The following PAK2 variants were observed in gnomAD, a reference collection of about 807,000 sequenced individuals.
PAK2 encodes the protein serine/threonine-protein kinase PAK 2.
A neutral mutation model predicts 65.9 loss-of-function variants in PAK2; 21 were observed. The observed-to-expected ratio is 0.32, with a 90% confidence interval of 0.23 to 0.46. The LOEUF is 0.46. Among genes scored for constraint, PAK2 ranks in the 20% least tolerant of loss-of-function variants. The pLI, the probability that PAK2 is intolerant of heterozygous loss-of-function variation, is 1.00. For missense variants in PAK2, 324 were observed against 642.6 expected, an observed-to-expected ratio of 0.50 and a Z score of 5.36; for synonymous variants, 204 against 219.7, an observed-to-expected ratio of 0.93 and a Z score of 0.63.
Position 196,751,690 on chromosome 3 carries a change from T to A in PAK2, c.-22+11533T>A, listed in dbSNP as rs1462500424. ...ATTTATATACATATATATATATATA[T>A]ATATAATTCAGGCTATATATAAAAG... On this transcript the variant is annotated intron_variant, in intron 1 of 14. Transcript: ENST00000327134. Among the ~76,000 whole-genome samples the A allele has an allele frequency of 1.2e-3, 57 of 49,022 alleles. 11 individuals carry two copies. Among genetic ancestry groups the A allele is most frequent in the East Asian group, 4.5e-3 (17 of 3,812 alleles). 32.2% of individuals were successfully genotyped at this position (49,022 alleles called of 152,430 possible).
chr3:196,762,827 C>T (rs1560094486), intron 1 of PAK2, among the ~76,000 whole-genome samples: 1 of 151,730 alleles, frequency 6.6e-6, no homozygotes, highest in African/African-American at 2.4e-5. Flanking sequence ...AGTTAGAAGC[C>T]AGGTGACTGA....
intron 1 of PAK2, among the ~76,000 whole-genome samples, chr3:196,769,395 A>G (rs1051065140): frequency 3.9e-5 from 6 of 152,016 alleles, no homozygotes; most frequent in Non-Finnish European, 8.8e-5. Flanking sequence ...TGAAATATAC[A>G]TAACATAAAA....
At chr3:196,743,864 A>G (rs527818670) in intron 1 of PAK2, among the ~76,000 whole-genome samples, 3 of 152,296 alleles carry the variant, frequency 2.0e-5, no homozygotes, top group African/African-American at 7.2e-5. Context: ...CCTGGGTGAC[A>G]GAGTGAGACT....
At chr3:196,809,160 A>T (rs1715691042) in intron 7 of PAK2, among the ~76,000 whole-genome samples, 1 of 150,400 alleles carries the variant, frequency 6.6e-6, no homozygotes, top group Non-Finnish European at 1.5e-5. Flanking sequence ...AGGCAGGAGG[A>T]TTGCTTGAGC....
intron 8 of PAK2, among the ~76,000 whole-genome samples, chr3:196,811,241 TCCCTC>T (rs1715790119): frequency 4.8e-5 from 1 of 20,950 alleles, no homozygotes; most frequent in South Asian, 1.7e-3. Flanking sequence ...TTCCCTTCCT[TCCCTC>T]CCTCCCCTCC....
intron 2 of PAK2, among the ~76,000 whole-genome samples, chr3:196,787,124 C>T (rs1371765046): frequency 6.6e-6 from 1 of 152,016 alleles, no homozygotes; most frequent in African/African-American, 2.4e-5. Flanking sequence ...ACACCTGGCT[C>T]TTATATTGAT....
chr3:196,827,061 T>G (rs907473509), intron 13 of PAK2, 135 bp from the exon 14 acceptor site: 1 of 476,006 alleles, frequency 2.1e-6, no homozygotes, highest in African/African-American at 2.0e-5. Context: ...TAAATTTAAA[T>G]GGGATAATGA....
chr3:196,783,683 G>T (rs1714787383), intron 2 of PAK2, among the ~76,000 whole-genome samples: 2 of 151,684 alleles, frequency 1.3e-5, no homozygotes, highest in African/African-American at 2.4e-5. Flanking sequence ...GTCCCCATCT[G>T]CTATACCCCA....
chr3:196,774,193 G>A (rs1025555933), intron 1 of PAK2, among the ~76,000 whole-genome samples: 3 of 152,206 alleles, frequency 2.0e-5, no homozygotes, highest in African/African-American at 4.8e-5. Context: ...ATTCATTGCC[G>A]AAGAATGGCC....
intron 6 of PAK2, among the ~76,000 whole-genome samples, chr3:196,807,071 A>G (rs1211676757): frequency 1.3e-5 from 2 of 152,168 alleles, no homozygotes; most frequent in Admixed American, 6.6e-5. Context: ...CACTACTCTC[A>G]GCGCCTTGCT....
rs1711968354 is a variant in PAK2 at position 196,828,776 on chromosome 3, G to A, written c.*371G>A. The A allele has an allele frequency of 5.2e-6, 1 of 192,158 alleles. No homozygotes were observed. Among genetic ancestry groups the A allele is most frequent in the Admixed American group, 6.4e-5 (1 of 15,736 alleles). The allele number at this position is 192,158 out of a possible 1,614,324, so 11.9% of individuals were successfully genotyped here. The stretch of plus-strand genomic sequence containing the variant: ...TCCAATACTTGAATGGCAGATTGGA[G>A]TTTTTCAGAGTATGTGTTTCATCTG... On this transcript the variant is annotated 3_prime_UTR_variant, in exon 15 of 15. Transcript: ENST00000327134.
At chr3:196,808,399 A>G (rs1715657240) in intron 7 of PAK2, among the ~76,000 whole-genome samples, 1 of 151,684 alleles carries the variant, frequency 6.6e-6, no homozygotes, top group Non-Finnish European at 1.5e-5. Flanking sequence ...CTCCTCTACT[A>G]AAAATACAAA....
intron 12 of PAK2, among the ~76,000 whole-genome samples, chr3:196,819,640 T>C (rs574246579): frequency 6.6e-6 from 1 of 152,224 alleles, no homozygotes; most frequent in East Asian, 1.9e-4. Flanking sequence ...AGTAGTCACA[T>C]ATGAAATGGA....
intron 12 of PAK2, among the ~76,000 whole-genome samples, chr3:196,818,888 C>T (rs778532539): frequency 7.2e-5 from 11 of 151,954 alleles, no homozygotes; most frequent in Non-Finnish European, 1.3e-4. Flanking sequence ...GGTTACCATG[C>T]GGATTAAATA....
chr3:196,829,416 T>A lies in PAK2; in HGVS notation c.*1011T>A. 6.6e-6 allele frequency: 1 copy of A among 152,568 alleles called. No individual in the cohort carries two copies. The allele number at this position is 152,568 out of a possible 1,614,324, so 9.5% of individuals were successfully genotyped here. A position where few individuals can be genotyped will look rare whatever the true frequency, so the allele number is the denominator to read the frequency against. On this transcript the variant is annotated 3_prime_UTR_variant, in exon 15 of 15. Coordinates refer to ENST00000327134, the MANE Select transcript of PAK2 (RefSeq NM_002577.4). ...CTCACCTCACAGATACCCCCTCCCA[T>A]GGCAAATAATATAATAACCAGTGAA...
At chr3:196,812,391 C>A (rs151104446) in intron 9 of PAK2, 124 bp downstream of exon 9, 1 of 709,326 alleles carries the variant, frequency 1.4e-6, no homozygotes, top group Non-Finnish European at 2.6e-6. Context: ...AATCGCTCTA[C>A]GTATGTTTAT....
At position 196,820,546 on chromosome 3, in the gene PAK2, C is replaced by T. The variant is rs2108773010; in HGVS notation, c.1329C>T (p.Tyr443=). The T allele has an allele frequency of 6.3e-7, 1 of 1,583,542 alleles. No homozygotes were observed. The change falls in exon 13 of 15, where the codon TAC becomes TAT. Residue 443 remains tyrosine (Y), a synonymous_variant. Coordinates refer to ENST00000327134, the MANE Select transcript of PAK2 (RefSeq NM_002577.4). This position sits in a 1 kb window ranked among gnomAD's most constrained non-coding sequence, Gnocchi z 4.6. ...AGATGGTAGAAGGAGAGCCTCCATA[C>T]CTCAATGAAAATCCCTTGAGGGTAA... is the stretch of plus-strand genomic sequence containing the variant. The part of the protein sequence containing the change: ...AIEMVEGEPP[Y]LNENPLRALY...
At chr3:196,746,711 G>T (rs964949986) in intron 1 of PAK2, among the ~76,000 whole-genome samples, 1 of 151,932 alleles carries the variant, frequency 6.6e-6, no homozygotes, top group Non-Finnish European at 1.5e-5. Context: ...TCGGGAGGCT[G>T]AGGCAGGAGA....
intron 1 of PAK2, among the ~76,000 whole-genome samples, chr3:196,759,804 C>T (rs924429471): frequency 6.6e-6 from 1 of 151,928 alleles, no homozygotes; most frequent in Non-Finnish European, 1.5e-5. Flanking sequence ...GGATTACAGG[C>T]GTGAGTCACT....
Sources: allele counts gnomAD v4.1 joint callset (sites outside exome capture counted in the v4.1 genomes callset), GRCh38; gene constraint gnomAD v4.1.1; non-coding constraint Gnocchi (gnomAD v3.1); transcripts MANE v1.5; gene names NCBI Gene and HGNC (gene_info 2026-07-23, HGNC 2026-07-21).